Variants in OLA1 observed in about 807,000 individuals in gnomAD.
OLA1 encodes Obg like ATPase 1.
In OLA1, 14 loss-of-function variants were observed where a neutral mutation model predicts 48.4. The ratio of observed to expected loss-of-function variants is 0.29; its 90% CI spans 0.19 to 0.45. The LOEUF (loss-of-function observed/expected upper bound fraction) is 0.45, where lower values mean the gene tolerates loss of function less well. Ranked by LOEUF, OLA1 falls within the 20% of genes least tolerant of loss-of-function variation. The pLI, the probability that OLA1 is intolerant of heterozygous loss-of-function variation, is 1.00. For missense variants in OLA1, 325 were observed against 467.1 expected (o/e 0.70, Z 2.80); for synonymous variants, 127 against 150.4 (o/e 0.84, Z 1.14).
chr2:174,240,261 G>A (rs1472908675), intron 2 of OLA1: 1 of 152,068 alleles, frequency 6.6e-6, no homozygotes, highest in Non-Finnish European at 1.5e-5. Context: ...ACCCTCCTTA[G>A]ACAACCTAGT....
At chr2:174,103,503 C>T (rs934007243) in intron 7 of OLA1, among the ~76,000 whole-genome samples, 1 of 152,174 alleles carries the variant, frequency 6.6e-6, no homozygotes, top group Admixed American at 6.5e-5. Context: ...ACAGTATGTG[C>T]TAACCCTGGC....
At chr2:174,247,829 T>C (rs1041469489) in intron 1 of OLA1, 5 of 1,532,662 alleles carry the variant, frequency 3.3e-6, no homozygotes, top group Non-Finnish European at 4.4e-6. Flanking sequence ...AAACTTTCTC[T>C]GTCCCTTACT....
chr2:174,100,778 C>G (rs1256834417), intron 7 of OLA1, among the ~76,000 whole-genome samples: 2 of 152,156 alleles, frequency 1.3e-5, no homozygotes, highest in African/African-American at 2.4e-5. Context: ...ACTATCCCCC[C>G]ACAAAGATAT....
At chr2:174,228,453 C>T (rs980454411) in intron 3 of OLA1, among the ~76,000 whole-genome samples, 2 of 152,020 alleles carry the variant, frequency 1.3e-5, no homozygotes, top group African/African-American at 4.8e-5. Flanking sequence ...AAGGATATAT[C>T]CCCAAAGTAT....
intron 4 of OLA1, among the ~76,000 whole-genome samples, chr2:174,170,200 T>C (rs550771883): frequency 6.6e-6 from 1 of 152,094 alleles, no homozygotes; most frequent in South Asian, 2.1e-4. Context: ...GCCACTGCAC[T>C]CCAGCCTGGG....
chr2:174,163,764 A>G (rs1558984644), intron 4 of OLA1, among the ~76,000 whole-genome samples: 2 of 28,162 alleles, frequency 7.1e-5, no homozygotes, highest in Non-Finnish European at 1.3e-4. Flanking sequence ...ATATATATAT[A>G]TATATATATA....
chr2:174,106,870 A>C (rs185922105), intron 7 of OLA1, among the ~76,000 whole-genome samples: 2 of 152,300 alleles, frequency 1.3e-5, no homozygotes, highest in African/African-American at 4.8e-5. Context: ...TCTTCAGCAA[A>C]TAAAACTTCA....
chr2:174,175,926 T>G (rs1226239249), intron 4 of OLA1, among the ~76,000 whole-genome samples: 1 of 151,808 alleles, frequency 6.6e-6, no homozygotes, highest in African/African-American at 2.4e-5. Flanking sequence ...CTAAAAAAAG[T>G]CAAACAGAAA....
At chr2:174,138,268 C>T (rs893691396) in intron 5 of OLA1, among the ~76,000 whole-genome samples, 4 of 152,106 alleles carry the variant, frequency 2.6e-5, no homozygotes, top group Non-Finnish European at 4.4e-5. Flanking sequence ...TAGAAGCCAT[C>T]GTAGGGGTAT....
At chr2:174,111,984 C>T (rs1025661902) in intron 7 of OLA1, among the ~76,000 whole-genome samples, 2 of 152,084 alleles carry the variant, frequency 1.3e-5, no homozygotes, top group Non-Finnish European at 2.9e-5. Flanking sequence ...ATTAAAGATA[C>T]AATTTTAGGT....
At chr2:174,141,617 C>A (rs1471595076) in intron 5 of OLA1, among the ~76,000 whole-genome samples, 1 of 152,156 alleles carries the variant, frequency 6.6e-6, no homozygotes, top group East Asian at 1.9e-4. Context: ...CTGCTAACTA[C>A]TGCTTGCTTA....
chr2:174,099,146 T>G (rs573334407), intron 7 of OLA1, among the ~76,000 whole-genome samples: 1 of 151,972 alleles, frequency 6.6e-6, no homozygotes, highest in Non-Finnish European at 1.5e-5. Flanking sequence ...GAGTTTGACT[T>G]TGTTATTTTA....
chr2:174,075,609 A>C, intron 10 of OLA1, 82 bp from the exon 11 acceptor site: 1 of 808,924 alleles, frequency 1.2e-6, no homozygotes, highest in African/African-American at 1.7e-5. Flanking sequence ...AGATATAAAA[A>C]GTATTATACT....
At chr2:174,170,106 G>A (rs560967759) in intron 4 of OLA1, among the ~76,000 whole-genome samples, 5 of 152,230 alleles carry the variant, frequency 3.3e-5, no homozygotes, top group African/African-American at 4.8e-5. Context: ...GGTGGCGGGC[G>A]CCTGTAGTCC....
chr2:174,081,139 G>C lies in OLA1; in HGVS notation c.966+13C>G. ...GGAACTGGATATAGCTGATGAATAA[G>C]TATGAATCTTACCCTGATGGTCCAT... On this transcript the variant is annotated intron_variant, in intron 9 of 10. Coordinates refer to ENST00000284719, the MANE Select transcript of OLA1 (RefSeq NM_013341.5). 6.3e-7 allele frequency: 1 copy of C among 1,598,722 alleles called. No individual in the cohort carries two copies. Among genetic ancestry groups the C allele is most frequent in the Non-Finnish European group, 8.6e-7 (1 of 1,166,426 alleles).
At chr2:174,145,433 A>C (rs998922145) in intron 4 of OLA1, among the ~76,000 whole-genome samples, 1 of 152,232 alleles carries the variant, frequency 6.6e-6, no homozygotes. Flanking sequence ...AATAGCATTT[A>C]GTTTTAGTGC....
At chr2:174,123,028 T>C (rs540360922) in intron 7 of OLA1, 152 bp downstream of exon 7, 1 of 527,028 alleles carries the variant, frequency 1.9e-6, no homozygotes, top group Admixed American at 4.1e-5. Flanking sequence ...TGAAGGTAAA[T>C]ACCAAGCACA....
chr2:174,099,321 A>T lies in OLA1; in HGVS notation c.729-17257T>A, dbSNP rs527406726. The stretch of plus-strand genomic sequence containing the variant: ...CAGGTGCGTGCCACCACGCCCAGCT[A>T]ATTTTTGCATTTTTAGTAGACACAG... On this transcript the variant is annotated intron_variant, in intron 7 of 10. Coordinates refer to ENST00000284719, the MANE Select transcript of OLA1 (RefSeq NM_013341.5). Among the ~76,000 whole-genome samples, 28 of 152,130 alleles carry T rather than the reference A, an allele frequency of 1.8e-4. No individual in the cohort carries two copies. The East Asian group carries it at 5.2e-3, about 28-fold the overall frequency.
chr2:174,129,939 C>T (rs984284992), intron 5 of OLA1, among the ~76,000 whole-genome samples: 4 of 152,086 alleles, frequency 2.6e-5, no homozygotes, highest in Non-Finnish European at 4.4e-5. Flanking sequence ...ATGCTGATAT[C>T]CAGATGAACT....
Sources: gnomAD v4.1 joint callset for allele counts (sites outside exome capture counted in the v4.1 genomes callset) on GRCh38, gnomAD v4.1.1 for gene constraint, MANE v1.5 for transcripts, NCBI Gene and HGNC (gene_info 2026-07-23, HGNC 2026-07-21) for gene names.